The following ARHGEF33 variants were observed in gnomAD, a reference collection of about 807,000 sequenced individuals.
ARHGEF33 encodes Rho guanine nucleotide exchange factor 33.
In ARHGEF33, 72 loss-of-function variants were observed where a neutral mutation model predicts 101.9. The ratio of observed to expected loss-of-function variants is 0.71; its 90% CI spans 0.58 to 0.86. The LOEUF is 0.86. ARHGEF33 is among the 40% of genes least tolerant of loss of function. The probability of loss-of-function intolerance (pLI) is 0.00; values close to 1 mark genes in which losing one functional copy is unlikely to be tolerated. For synonymous variants in ARHGEF33, 499 were observed against 442.5 expected, an observed-to-expected ratio of 1.13 and a Z score of -1.60; for missense variants, 1,169 against 1,111.3, an observed-to-expected ratio of 1.05 and a Z score of -0.74.
At chr2:38,959,670 C>T (rs1021413882) in intron 15 of ARHGEF33, 171 bp from the exon 16 acceptor site, 3 of 698,878 alleles carry the variant, frequency 4.3e-6, no homozygotes, top group Non-Finnish European at 7.0e-6. Context: ...CTTGTCCACT[C>T]TCCGCCTGGG....
intron 4 of ARHGEF33, among the ~76,000 whole-genome samples, chr2:38,927,613 T>C: frequency 6.6e-6 from 1 of 152,182 alleles, no homozygotes; most frequent in East Asian, 1.9e-4. Context: ...GGAGAATCAC[T>C]TGAACCCAGA....
In ARHGEF33 at chr2:38,958,211, T is replaced by G; in HGVS notation, c.1535+13T>G. On this transcript the variant is annotated intron_variant, in intron 15 of 17. Transcript: ENST00000409978. ...GCCCTGCCATCACGTAAGCACCTGT[T>G]GCTGTGGGAAGGTTAATGCCAATGC... 1 of 1,551,226 alleles carries G rather than the reference T, an allele frequency of 6.4e-7. No individual in the cohort carries two copies. The highest frequency in any genetic ancestry group is 1.8e-4 in the Middle Eastern group (1 of 5,688).
Position 38,966,016 on chromosome 2 carries a change from T to C in ARHGEF33, c.2354T>C (p.Leu785Ser). ...TYLEVRREMH[L>S]EDTTRFCPKE... is the part of the protein sequence containing the mutation. ...CTTTTTTGTTTCCAGGAGATGCATT[T>C]AGAAGATACTACCAGATTCTGTCCC... Residue 785 changes from leucine (L) to serine (S), a missense_variant, in exon 17 of 18, where the codon TTA becomes TCA. Transcript: ENST00000409978. 1 of 1,551,552 alleles carries C rather than the reference T, an allele frequency of 6.4e-7. No individual in the cohort carries two copies.
At chr2:38,915,946 A>G (rs1303420919) in intron 2 of ARHGEF33, among the ~76,000 whole-genome samples, 2 of 152,126 alleles carry the variant, frequency 1.3e-5, no homozygotes, top group East Asian at 3.9e-4. Flanking sequence ...GGGTCCCTTA[A>G]GCCTAAGAGT....
intron 10 of ARHGEF33, among the ~76,000 whole-genome samples, chr2:38,945,280 C>T (rs1033597874): frequency 1.3e-5 from 2 of 152,290 alleles, no homozygotes; most frequent in East Asian, 1.9e-4. Context: ...GACTTGGTGG[C>T]TGCCAACAAT....
chr2:38,937,465 A>G lies in ARHGEF33; in HGVS notation c.696A>G (p.Glu232=). ...AGGATGGTAAAGAATGGGGTGAAGA[A>G]TACGTCACAAAAGACCACCCAGATA... ...QPKDGKEWGE[E]YVTKDHPDKL... is the part of the protein sequence containing the mutation. The change falls in exon 9 of 18, where the codon GAA becomes GAG. Residue 232 remains glutamate, a synonymous_variant. Transcript: ENST00000409978. 6.4e-7 allele frequency: 1 copy of G among 1,550,562 alleles called. No homozygotes were observed. The highest frequency in any genetic ancestry group is 2.4e-5 in the East Asian group (1 of 40,892).
At chr2:38,944,062 G>A in intron 10 of ARHGEF33, 32 bp downstream of exon 10, 1 of 1,527,178 alleles carries the variant, frequency 6.5e-7, no homozygotes, top group African/African-American at 1.4e-5. Flanking sequence ...TTGCTTTTCA[G>A]ATTGATTAGG....
intron 1 of ARHGEF33, among the ~76,000 whole-genome samples, chr2:38,894,135 G>A (rs535091079): frequency 3.3e-5 from 5 of 152,124 alleles, no homozygotes; most frequent in South Asian, 2.1e-4. Flanking sequence ...CTTGGGCAAC[G>A]TGGCAAAACC....
intron 10 of ARHGEF33, among the ~76,000 whole-genome samples, chr2:38,950,788 T>TTTTTG (rs1230720632): frequency 1.3e-5 from 2 of 152,210 alleles, no homozygotes; most frequent in East Asian, 1.9e-4. Context: ...GTAAAGGTTT[T>TTTTTG]TTTTGTTTTG....
At chr2:38,917,239 C>T (rs376174500) in intron 2 of ARHGEF33, among the ~76,000 whole-genome samples, 3 of 151,330 alleles carry the variant, frequency 2.0e-5, no homozygotes, top group African/African-American at 4.9e-5. Flanking sequence ...TTACAGGCAC[C>T]TGCCACCATG....
At chr2:38,941,176 A>T (rs1400922219) in intron 9 of ARHGEF33, among the ~76,000 whole-genome samples, 2 of 152,158 alleles carry the variant, frequency 1.3e-5, no homozygotes, top group South Asian at 2.1e-4. Flanking sequence ...TTGGCCTTTC[A>T]TTAGTTTTTC....
chr2:38,950,415 G>A (rs1343814318), intron 10 of ARHGEF33, among the ~76,000 whole-genome samples: 1 of 152,100 alleles, frequency 6.6e-6, no homozygotes. Context: ...ATGTAAAAAG[G>A]TCTTTCAAGT....
chr2:38,956,997 GT>G lies in ARHGEF33; in HGVS notation c.1323del (p.Gln442AsnfsTer73). On this transcript the variant is annotated frameshift_variant, in exon 14 of 18. Transcript: ENST00000409978. LOFTEE classifies it high-confidence loss of function. The stretch of plus-strand genomic sequence containing the variant: ...TATTTATCTCACACTACACCCTGCT[GT>G]TTCAATGCAATGAAGATTTGCTTAT... ...RVFISHYTLL[F>X]QCNEDLLIQK... The G allele has an allele frequency of 6.4e-7, 1 of 1,552,212 alleles. No individual in the cohort carries two copies. The highest frequency in any genetic ancestry group is 8.7e-7 in the Non-Finnish European group (1 of 1,147,114).
chr2:38,975,402 G>A lies in ARHGEF33; in HGVS notation c.*1559G>A, dbSNP rs1468581239. 2 of 152,240 alleles carry A rather than the reference G, an allele frequency of 1.3e-5. No individual in the cohort carries two copies. The highest frequency in any genetic ancestry group is 2.9e-5 in the Non-Finnish European group (2 of 68,034). The allele number at this position is 152,240 out of a possible 1,614,324, so 9.4% of individuals were successfully genotyped here. ...ACGCCAAATCGACTGGACGTGGAAA[G>A]TGAAATACTACAGAAGTCACAATCT... On this transcript the variant is annotated 3_prime_UTR_variant, in exon 18 of 18. Coordinates refer to ENST00000409978, the MANE Select transcript of ARHGEF33 (RefSeq NM_001145451.5).
chr2:38,912,776 G>T (rs977303558), intron 2 of ARHGEF33, among the ~76,000 whole-genome samples: 1 of 152,058 alleles, frequency 6.6e-6, no homozygotes, highest in African/African-American at 2.4e-5. Context: ...GGACCTGCCC[G>T]AATTACAATT....
chr2:38,946,663 T>C (rs763897866), intron 10 of ARHGEF33, among the ~76,000 whole-genome samples: 5 of 152,222 alleles, frequency 3.3e-5, no homozygotes, highest in Non-Finnish European at 5.9e-5. Context: ...TCTCACTCTG[T>C]TGCCCAGACT....
chr2:38,953,461 C>T (rs764299984), intron 12 of ARHGEF33, among the ~76,000 whole-genome samples: 4 of 152,212 alleles, frequency 2.6e-5, no homozygotes, highest in Non-Finnish European at 2.9e-5. Context: ...CCCTCTGTTC[C>T]ATTCCATTGG....
chr2:38,959,790 C>A, intron 15 of ARHGEF33, 51 bp from the exon 16 acceptor site: 1 of 1,478,044 alleles, frequency 6.8e-7, no homozygotes, highest in South Asian at 1.4e-5. Context: ...GAGAGGCCTG[C>A]ACTAACCGGC....
At position 38,937,486 on chromosome 2, in the gene ARHGEF33, A is replaced by G; in HGVS notation, c.717A>G (p.Pro239=). Reference sequence around the variant, plus strand: ...AAGAATACGTCACAAAAGACCACCCAGATAAACTCAAGGAGGCTGGCCAGG... The same window carrying G: ...AAGAATACGTCACAAAAGACCACCCGGATAAACTCAAGGAGGCTGGCCAGG... ...WGEEYVTKDH[P]DKLKEAGQGR... The change falls in exon 9 of 18, where the codon CCA becomes CCG. Residue 239 remains proline, a synonymous_variant. Coordinates refer to ENST00000409978, the MANE Select transcript of ARHGEF33 (RefSeq NM_001145451.5). 1 of 1,551,266 alleles carries G rather than the reference A, an allele frequency of 6.4e-7. No individual in the cohort carries two copies. The highest frequency in any genetic ancestry group is 8.7e-7 in the Non-Finnish European group (1 of 1,146,764).
Sources: gnomAD v4.1 joint callset for allele counts (sites outside exome capture counted in the v4.1 genomes callset) on GRCh38, gnomAD v4.1.1 for gene constraint, MANE v1.5 for transcripts, NCBI Gene and HGNC (gene_info 2026-07-23, HGNC 2026-07-21) for gene names.